Variants in SPTLC3 observed in about 807,000 individuals in gnomAD.
The protein encoded by SPTLC3 is serine palmitoyltransferase 3.
A neutral mutation model predicts 59.3 loss-of-function variants in SPTLC3; 36 were observed. The observed-to-expected ratio is 0.61, with a 90% CI of 0.47 to 0.80. SPTLC3 has a LOEUF of 0.80. SPTLC3 is among the 30% of genes least tolerant of loss of function. The probability of loss-of-function intolerance (pLI) is 0.00; values close to 1 mark genes in which losing one functional copy is unlikely to be tolerated. For synonymous variants in SPTLC3, 257 were observed against 240.8 expected, an observed-to-expected ratio of 1.07 and a Z score of -0.62; for missense variants, 625 against 685.1, an observed-to-expected ratio of 0.91 and a Z score of 0.98.
At chr20:13,087,949 C>A (rs555284333) in intron 4 of SPTLC3, among the ~76,000 whole-genome samples, 1 of 152,186 alleles carries the variant, frequency 6.6e-6, no homozygotes. Context: ...GGAAATAGTA[C>A]GTGCAACATC....
intron 5 of SPTLC3, among the ~76,000 whole-genome samples, chr20:13,092,799 C>T (rs1989272587): frequency 6.6e-6 from 1 of 152,054 alleles, no homozygotes; most frequent in African/African-American, 2.4e-5. Context: ...CCACAAAAGA[C>T]AAAGGTCCAC....
chr20:13,021,668 C>G (rs1040224585), intron 1 of SPTLC3, among the ~76,000 whole-genome samples: 62 of 151,468 alleles, frequency 4.1e-4, no homozygotes, highest in African/African-American at 1.4e-3. Context: ...TGGTCCAACT[C>G]TAACCAATGG....
chr20:13,072,142 T>A, intron 2 of SPTLC3, 114 bp from the exon 3 acceptor site: 11 of 1,176,816 alleles, frequency 9.3e-6, no homozygotes, highest in Non-Finnish European at 1.3e-5. Context: ...GCTCAAAATA[T>A]ATCTGTAGAT....
In SPTLC3 at chr20:13,117,622, G is replaced by A; in HGVS notation, c.1049G>A (p.Gly350Asp). The A allele has an allele frequency of 6.2e-7, 1 of 1,614,100 alleles. No homozygotes were observed. Among genetic ancestry groups the A allele is most frequent in the Non-Finnish European group, 8.5e-7 (1 of 1,179,964 alleles). The change falls in exon 8 of 12, where the codon GGT becomes GAT. Residue 350 changes from glycine (G) to aspartate (D), a missense_variant. Transcript: ENST00000399002. ...GGGGCCGTGGGCCCAACCGGCCGGGGTGTCACGGAGTTCTTTGGACTAGAC... is the reference window on the plus strand; with the variant it reads ...GGGGCCGTGGGCCCAACCGGCCGGGATGTCACGGAGTTCTTTGGACTAGAC... ...SIGAVGPTGRGVTEFFGLDPH... is the reference protein window; with the variant it reads ...SIGAVGPTGRDVTEFFGLDPH...
At chr20:13,073,208 T>A (rs1349385877) in intron 3 of SPTLC3, among the ~76,000 whole-genome samples, 1 of 127,772 alleles carries the variant, frequency 7.8e-6, no homozygotes, top group African/African-American at 2.8e-5. Flanking sequence ...CTCCCCCTCC[T>A]CCCTACCTTT....
chr20:13,030,869 T>C (rs1357487403), intron 1 of SPTLC3, among the ~76,000 whole-genome samples: 3 of 152,160 alleles, frequency 2.0e-5, no homozygotes, highest in South Asian at 2.1e-4. Context: ...GGGGAGGACC[T>C]TCTCTTTTTC....
chr20:13,147,951 C>A (rs1210469964), intron 9 of SPTLC3, among the ~76,000 whole-genome samples: 2 of 152,176 alleles, frequency 1.3e-5, no homozygotes, highest in African/African-American at 4.8e-5. Context: ...GAAAATAGAC[C>A]ATGACAATGG....
chr20:13,074,184 C>A, intron 3 of SPTLC3, 165 bp from the exon 4 acceptor site: 2 of 921,790 alleles, frequency 2.2e-6, no homozygotes, highest in Non-Finnish European at 1.8e-6. Flanking sequence ...CAGACTGAAC[C>A]ACCTCCTGCC....
intron 8 of SPTLC3, among the ~76,000 whole-genome samples, chr20:13,126,111 AC>A (rs1479882454): frequency 6.6e-6 from 1 of 152,054 alleles, no homozygotes; most frequent in Non-Finnish European, 1.5e-5. Context: ...AGCTAGAAGG[AC>A]CCTCTCTCTT....
chr20:13,070,261 T>C (rs79003127), intron 2 of SPTLC3, among the ~76,000 whole-genome samples: 1,818 of 152,240 alleles, frequency 0.012, 18 homozygotes, highest in Middle Eastern at 0.048. Context: ...TGCCCGACCA[T>C]CCTTCAAATT....
chr20:13,116,158 G>A (rs1348017739), intron 7 of SPTLC3, among the ~76,000 whole-genome samples: 3 of 151,746 alleles, frequency 2.0e-5, no homozygotes, highest in Non-Finnish European at 4.4e-5. Context: ...GTTGGTCTGG[G>A]TGACTGTGCA....
intron 11 of SPTLC3, among the ~76,000 whole-genome samples, chr20:13,162,559 G>A (rs1456086363): frequency 2.0e-5 from 3 of 152,174 alleles, no homozygotes; most frequent in East Asian, 3.9e-4. Flanking sequence ...GAACCTAAAG[G>A]CTCATAGACT....
chr20:13,040,903 T>C (rs776871019), intron 1 of SPTLC3, among the ~76,000 whole-genome samples: 1 of 151,982 alleles, frequency 6.6e-6, no homozygotes, highest in Non-Finnish European at 1.5e-5. Flanking sequence ...ATTTTGAATA[T>C]GTCATCCCAC....
At chr20:13,160,556 C>T (rs2038875441) in intron 11 of SPTLC3, among the ~76,000 whole-genome samples, 1 of 152,208 alleles carries the variant, frequency 6.6e-6, no homozygotes, top group Non-Finnish European at 1.5e-5. Flanking sequence ...AACAAATCTA[C>T]ATTACAGCAG....
In SPTLC3 at chr20:13,009,372, G is replaced by A; in HGVS notation, c.105G>A (p.Val35=). 1 of 1,613,978 alleles carries A rather than the reference G, an allele frequency of 6.2e-7. No homozygotes were observed. Among genetic ancestry groups the A allele is most frequent in the Non-Finnish European group, 8.5e-7 (1 of 1,179,896 alleles). ...QSRNCTKNGI[V]KEAQQNGKPH... is the part of the protein sequence containing the mutation. ...GAAACTGCACAAAGAATGGAATAGT[G>A]AAGGAAGCCCAGGTAAGAGGCACTC... is the stretch of plus-strand genomic sequence containing the variant. Residue 35 remains valine, a synonymous_variant, in exon 1 of 12, where the codon GTG becomes GTA. Coordinates refer to ENST00000399002, the MANE Select transcript of SPTLC3 (RefSeq NM_018327.4).
chr20:13,086,470 T>A (rs1989008030), intron 4 of SPTLC3, among the ~76,000 whole-genome samples: 1 of 152,212 alleles, frequency 6.6e-6, no homozygotes, highest in African/African-American at 2.4e-5. Context: ...ATCCTAGGAA[T>A]CTTTCAGGTT....
At chr20:13,146,433 T>TA (rs963169603) in intron 9 of SPTLC3, among the ~76,000 whole-genome samples, 49 of 152,010 alleles carry the variant, frequency 3.2e-4, no homozygotes, top group African/African-American at 7.2e-4. Context: ...AAATTAAAAT[T>TA]AAAAAAAAGA....
chr20:13,107,607 A>G (rs189035597), intron 6 of SPTLC3, among the ~76,000 whole-genome samples: 1 of 152,272 alleles, frequency 6.6e-6, no homozygotes, highest in East Asian at 1.9e-4. Flanking sequence ...GAAAAAAACA[A>G]AGAAAAGGAA....
intron 2 of SPTLC3, among the ~76,000 whole-genome samples, chr20:13,065,439 T>C (rs1372045429): frequency 6.6e-6 from 1 of 151,866 alleles, no homozygotes; most frequent in Non-Finnish European, 1.5e-5. Context: ...TCTCTTTCTT[T>C]TATCTTCAGC....
Sources: gnomAD v4.1 joint callset for allele counts (sites outside exome capture counted in the v4.1 genomes callset) on GRCh38, gnomAD v4.1.1 for gene constraint, MANE v1.5 for transcripts, NCBI Gene and HGNC (gene_info 2026-07-23, HGNC 2026-07-21) for gene names.